The following NBAS variants were observed in gnomAD, a reference collection of about 807,000 sequenced individuals.
The protein encoded by NBAS is NBAS subunit of NRZ tethering complex.
A neutral mutation model predicts 302.5 loss-of-function variants in NBAS; 219 were observed. The ratio of observed to expected loss-of-function variants is 0.72; its 90% CI spans 0.65 to 0.81. The LOEUF is 0.81. Among genes scored for constraint, NBAS ranks in the 30% least tolerant of loss-of-function variants. The pLI, the probability that NBAS is intolerant of heterozygous loss-of-function variation, is 0.00. For synonymous variants in NBAS, 1,118 were observed against 1,021.6 expected, an observed-to-expected ratio of 1.09 and a Z score of -1.80; for missense variants, 2,932 against 2,841.6, an observed-to-expected ratio of 1.03 and a Z score of -0.72.
chr2:15,224,267 C>T (rs962323907), intron 47 of NBAS, among the ~76,000 whole-genome samples: 1 of 152,168 alleles, frequency 6.6e-6, no homozygotes, highest in Non-Finnish European at 1.5e-5. Context: ...TATTGAATCA[C>T]AGCAAGAAGA....
chr2:14,962,477 CTT>C, the NBAS span, among the ~76,000 whole-genome samples: 1 of 152,162 alleles, frequency 6.6e-6, no homozygotes, highest in Admixed American at 6.5e-5. Context: ...CCCAGATTCT[CTT>C]TCACCTTCCA....
chr2:15,507,177 A>C (rs1464291383), intron 10 of NBAS, among the ~76,000 whole-genome samples: 4 of 152,244 alleles, frequency 2.6e-5, no homozygotes, highest in African/African-American at 9.6e-5. Flanking sequence ...CAAGAGTGGG[A>C]GATCTAGTGG....
chr2:15,240,994 T>C (rs965573154), intron 44 of NBAS, among the ~76,000 whole-genome samples: 8 of 152,000 alleles, frequency 5.3e-5, no homozygotes, highest in Admixed American at 4.6e-4. Context: ...TTAGGGGTCA[T>C]CGTGTACAAG....
chr2:15,406,769 GC>G (rs1469198336), intron 25 of NBAS, among the ~76,000 whole-genome samples: 1 of 152,142 alleles, frequency 6.6e-6, no homozygotes, highest in Non-Finnish European at 1.5e-5. Context: ...GAGAGGTAAT[GC>G]CTATCTAACA....
At chr2:14,938,082 C>G in the NBAS span, among the ~76,000 whole-genome samples, 5 of 151,846 alleles carry the variant, frequency 3.3e-5, no homozygotes, top group Non-Finnish European at 7.4e-5. Flanking sequence ...GAGCCAGGAT[C>G]GCGCCACTGC....
intron 21 of NBAS, among the ~76,000 whole-genome samples, chr2:15,438,832 T>C (rs1449790927): frequency 6.6e-6 from 1 of 152,144 alleles, no homozygotes; most frequent in Non-Finnish European, 1.5e-5. Context: ...GCTCAGTGTG[T>C]ACCTGTGATG....
At chr2:15,298,793 G>T (rs773390916) in intron 40 of NBAS, among the ~76,000 whole-genome samples, 7 of 152,064 alleles carry the variant, frequency 4.6e-5, no homozygotes, top group African/African-American at 1.7e-4. Context: ...GCATTTTCAC[G>T]TGATTTTCAT....
chr2:15,123,556 C>A, the NBAS span, among the ~76,000 whole-genome samples: 56 of 152,142 alleles, frequency 3.7e-4, no homozygotes, highest in African/African-American at 1.3e-3. Flanking sequence ...GCAGATCCCT[C>A]ATGAATGGCT....
At position 15,473,339 on chromosome 2, in the gene NBAS, A is replaced by C; in HGVS notation, c.1608T>G (p.Ser536Arg). 1 of 1,613,826 alleles carries C rather than the reference A, an allele frequency of 6.2e-7. No individual in the cohort carries two copies. Among genetic ancestry groups the C allele is most frequent in the Non-Finnish European group, 8.5e-7 (1 of 1,179,794 alleles). The part of the protein sequence containing the change: ...PEELYQRKIE[S>R]EEYEEALSLA... ...AGGACAAGGCTTCCTCATACTCTTC[A>C]CTTTCAATCTTCAGATAAAAACACG... The change falls in exon 16 of 52, where the codon AGT becomes AGG. Residue 536 changes from serine (S) to arginine (R), a missense_variant. Coordinates refer to ENST00000281513, the MANE Select transcript of NBAS (RefSeq NM_015909.4).
intron 21 of NBAS, among the ~76,000 whole-genome samples, chr2:15,438,703 GA>G (rs1678163065): frequency 6.6e-6 from 1 of 152,226 alleles, no homozygotes; most frequent in Non-Finnish European, 1.5e-5. Context: ...GACAGAGTTT[GA>G]AAGTCAGAGA....
chr2:15,369,001 C>T (rs1396935644), intron 31 of NBAS, among the ~76,000 whole-genome samples: 1 of 152,180 alleles, frequency 6.6e-6, no homozygotes, highest in Non-Finnish European at 1.5e-5. Flanking sequence ...CCTTTCCATA[C>T]CTTATCACAA....
intron 51 of NBAS, among the ~76,000 whole-genome samples, chr2:15,171,083 C>T (rs898951732): frequency 6.6e-6 from 1 of 152,222 alleles, no homozygotes; most frequent in African/African-American, 2.4e-5. Context: ...GCCACAGAAG[C>T]TTGGTACTCT....
the NBAS span, among the ~76,000 whole-genome samples, chr2:14,780,470 G>C: frequency 6.6e-6 from 1 of 152,210 alleles, no homozygotes; most frequent in Non-Finnish European, 1.5e-5. Context: ...AAAGAGCTAA[G>C]ACTTTCTAGG....
chr2:15,074,400 G>GGGAGGGAAGGAAAGAA, the NBAS span, among the ~76,000 whole-genome samples: 11 of 141,582 alleles, frequency 7.8e-5, no homozygotes, highest in Non-Finnish European at 1.7e-4. Flanking sequence ...GAAGGAGGGG[G>GGGAGGGAAGGAAAGAA]GGAGGGAAGG....
intron 44 of NBAS, among the ~76,000 whole-genome samples, 176 bp downstream of exon 44, chr2:15,275,308 G>GA (rs905992618): frequency 6.6e-6 from 1 of 151,712 alleles, no homozygotes; most frequent in Non-Finnish European, 1.5e-5. Context: ...CTACAATAGA[G>GA]AAAAAAAATT....
At chr2:14,821,745 G>T in the NBAS span, among the ~76,000 whole-genome samples, 1 of 152,182 alleles carries the variant, frequency 6.6e-6, no homozygotes, top group African/African-American at 2.4e-5. Context: ...GGGCGCGATG[G>T]CTTACACCTG....
chr2:15,539,160 T>C, intron 7 of NBAS, 63 bp downstream of exon 7: 1 of 1,601,018 alleles, frequency 6.2e-7, no homozygotes. Context: ...ACTCTTTTAT[T>C]CAAGTACCTA....
chr2:15,097,969 ATTG>A, the NBAS span, among the ~76,000 whole-genome samples: 5 of 100,150 alleles, frequency 5.0e-5, 1 homozygote, highest in African/African-American at 2.0e-4. Flanking sequence ...TATATATTAT[ATTG>A]TATATAATAT....
the NBAS span, among the ~76,000 whole-genome samples, chr2:14,967,997 C>T: frequency 1.3e-5 from 2 of 152,114 alleles, no homozygotes; most frequent in African/African-American, 4.8e-5. Context: ...GAGAACCTCC[C>T]CCTAGCTCCA....
Sources: gnomAD v4.1 joint callset for allele counts (sites outside exome capture counted in the v4.1 genomes callset) on GRCh38, gnomAD v4.1.1 for gene constraint, MANE v1.5 for transcripts, NCBI Gene and HGNC (gene_info 2026-07-23, HGNC 2026-07-21) for gene names.